Variants in SPAG16 observed in about 807,000 individuals in gnomAD.
SPAG16 encodes the protein sperm-associated antigen 16 protein.
In SPAG16, 86 loss-of-function variants were observed where a neutral mutation model predicts 80.4. The ratio of observed to expected loss-of-function variants is 1.07; its 90% CI spans 0.90 to 1.28. SPAG16 has a LOEUF of 1.28. SPAG16 is among the 50% of genes most tolerant of loss of function. The pLI, the probability that SPAG16 is intolerant of heterozygous loss-of-function variation, is 0.00. For synonymous variants in SPAG16, 294 were observed against 265.9 expected, an observed-to-expected ratio of 1.11 and a Z score of -1.03; for missense variants, 870 against 765.3, an observed-to-expected ratio of 1.14 and a Z score of -1.61.
chr2:214,029,911 A>G (rs2048325552), intron 13 of SPAG16, among the ~76,000 whole-genome samples: 1 of 152,168 alleles, frequency 6.6e-6, no homozygotes, highest in Non-Finnish European at 1.5e-5. Flanking sequence ...CCTATGCATA[A>G]TATCACCACA....
chr2:213,575,616 T>C (rs1576037703), intron 10 of SPAG16, among the ~76,000 whole-genome samples: 1 of 152,300 alleles, frequency 6.6e-6, no homozygotes, highest in East Asian at 1.9e-4. Context: ...TTGAATATTA[T>C]TGATCTATGA....
intron 12 of SPAG16, among the ~76,000 whole-genome samples, chr2:214,005,728 G>A (rs2046999641): frequency 6.6e-6 from 1 of 152,196 alleles, no homozygotes; most frequent in Admixed American, 6.5e-5. Context: ...ACAAATAAAT[G>A]TTTTCATTAT....
At chr2:214,094,184 C>T (rs1195758995) in intron 13 of SPAG16, among the ~76,000 whole-genome samples, 2 of 152,072 alleles carry the variant, frequency 1.3e-5, no homozygotes, top group African/African-American at 4.8e-5. Flanking sequence ...TATACCATGG[C>T]AGTTTGCAAA....
Position 214,370,628 on chromosome 2 carries a change from A to G in SPAG16, c.1721-39512A>G, listed in dbSNP as rs551706803. Among the ~76,000 whole-genome samples the G allele has an allele frequency of 3.3e-5, 5 of 152,280 alleles. 1 individual carries two copies. Among genetic ancestry groups the G allele is most frequent in the African/African-American group, 1.2e-4 (5 of 41,560 alleles). On this transcript the variant is annotated intron_variant, in intron 15 of 15. Coordinates refer to ENST00000331683, the MANE Select transcript of SPAG16 (RefSeq NM_024532.5). ...CTCTCTTGGCAAATTTCAAGTATAC[A>G]ATACAGTATTGTTAACTATAGTATG... is the stretch of plus-strand genomic sequence containing the variant.
chr2:213,769,760 C>T (rs575472989), intron 10 of SPAG16, among the ~76,000 whole-genome samples: 1 of 152,262 alleles, frequency 6.6e-6, no homozygotes, highest in South Asian at 2.1e-4. Flanking sequence ...CACAATACAA[C>T]AAAATGCACA....
intron 10 of SPAG16, among the ~76,000 whole-genome samples, chr2:213,821,061 AG>A (rs1327107794): frequency 6.6e-6 from 1 of 152,112 alleles, no homozygotes; most frequent in Non-Finnish European, 1.5e-5. Flanking sequence ...ATTAAAATAC[AG>A]ACAAATTTTG....
intron 13 of SPAG16, among the ~76,000 whole-genome samples, chr2:214,037,770 A>T (rs1206866405): frequency 6.6e-6 from 1 of 151,528 alleles, no homozygotes; most frequent in African/African-American, 2.4e-5. Context: ...GAAAAGAATA[A>T]TTTTTCCCAT....
rs547341339 is a variant in SPAG16 at position 214,116,577 on chromosome 2, G to A, written c.1593+8316G>A. On this transcript the variant is annotated intron_variant, in intron 14 of 15. Transcript: ENST00000331683. Reference sequence around the variant, plus strand: ...CCAGACCACTTGTGCAGGACCTGCCGGGAAGCACACCTGTATGGACACAGT... The same window carrying A: ...CCAGACCACTTGTGCAGGACCTGCCAGGAAGCACACCTGTATGGACACAGT... 2.6e-5 allele frequency among the ~76,000 whole-genome samples: 4 copies of A among 152,220 alleles called. 1 individual carries two copies. The highest frequency in any genetic ancestry group is 4.1e-4 in the South Asian group (2 of 4,820).
At chr2:214,057,170 TCA>T (rs1231869624) in intron 13 of SPAG16, among the ~76,000 whole-genome samples, 5 of 108,434 alleles carry the variant, frequency 4.6e-5, no homozygotes, top group Non-Finnish European at 8.9e-5. Context: ...CAGAAGGTTT[TCA>T]GTTTACTTTT....
At chr2:214,118,538 C>T (rs1216798795) in intron 14 of SPAG16, among the ~76,000 whole-genome samples, 1 of 152,110 alleles carries the variant, frequency 6.6e-6, no homozygotes, top group Non-Finnish European at 1.5e-5. Context: ...GAAGGGGAAT[C>T]AAACACATCC....
chr2:214,277,680 T>G (rs1186259701), intron 15 of SPAG16, among the ~76,000 whole-genome samples: 2 of 152,190 alleles, frequency 1.3e-5, no homozygotes, highest in African/African-American at 4.8e-5. Flanking sequence ...TTCTGGAAGC[T>G]TCATCCCAGA....
chr2:213,868,251 T>G (rs372791954), intron 11 of SPAG16, among the ~76,000 whole-genome samples: 1 of 28,572 alleles, frequency 3.5e-5, no homozygotes, highest in South Asian at 7.6e-3. Flanking sequence ...AAATGAGAAT[T>G]TTTTTTTTAT....
chr2:213,663,200 G>A (rs189942314), intron 10 of SPAG16, among the ~76,000 whole-genome samples: 1 of 152,096 alleles, frequency 6.6e-6, no homozygotes, highest in Admixed American at 6.5e-5. Flanking sequence ...TGATGAAATA[G>A]GAAAATAAAA....
rs542559589 is a variant in SPAG16, at chr2:213,892,342, A to C, written c.1214+29714A>C. ...GAGGAAATGTATCCAATAAAAATCA[A>C]AACAAGCAAGACAGAGAAGACTGAA... On this transcript the variant is annotated intron_variant, in intron 11 of 15. Transcript: ENST00000331683. Among the ~76,000 whole-genome samples, 3 of 152,278 alleles carry C rather than the reference A, an allele frequency of 2.0e-5. No individual in the cohort carries two copies. The South Asian group carries it at 6.2e-4, about 32-fold the overall frequency.
chr2:213,340,075 T>A (rs1559427390), intron 5 of SPAG16, 88 bp from the exon 6 acceptor site: 1 of 759,166 alleles, frequency 1.3e-6, no homozygotes, highest in Admixed American at 2.8e-5. Flanking sequence ...ATCTTTTGAA[T>A]GGCACAATAC....
At chr2:213,439,871 C>T (rs557340363) in intron 9 of SPAG16, among the ~76,000 whole-genome samples, 2 of 152,174 alleles carry the variant, frequency 1.3e-5, no homozygotes, top group East Asian at 3.9e-4. Context: ...AATTAGGAAA[C>T]TTGAAAAACA....
At chr2:214,009,736 G>A (rs148292991) in intron 12 of SPAG16, among the ~76,000 whole-genome samples, 1 of 152,190 alleles carries the variant, frequency 6.6e-6, no homozygotes, top group East Asian at 1.9e-4. Flanking sequence ...TCAGGGATTG[G>A]GTCAACAGCA....
At chr2:213,767,406 A>T (rs2068992484) in intron 10 of SPAG16, among the ~76,000 whole-genome samples, 1 of 152,064 alleles carries the variant, frequency 6.6e-6, no homozygotes, top group South Asian at 2.1e-4. Flanking sequence ...AGTGGCTCAC[A>T]CCTGTAATCC....
chr2:213,503,799 G>A (rs568798098), intron 10 of SPAG16, among the ~76,000 whole-genome samples: 9 of 152,198 alleles, frequency 5.9e-5, no homozygotes, highest in African/African-American at 1.9e-4. Context: ...AAATTAAAAT[G>A]TGGAAATGTA....
Sources: gnomAD v4.1 joint callset for allele counts (sites outside exome capture counted in the v4.1 genomes callset) on GRCh38, gnomAD v4.1.1 for gene constraint, MANE v1.5 for transcripts, NCBI Gene and HGNC (gene_info 2026-07-23, HGNC 2026-07-21) for gene names.